DHPS: variants seen among roughly 807,000 people sequenced by gnomAD.
DHPS encodes the protein deoxyhypusine synthase.
A neutral mutation model predicts 38.7 loss-of-function variants in DHPS; 24 were observed. The ratio of observed to expected loss-of-function variants is 0.62; its 90% CI spans 0.45 to 0.87. The LOEUF is 0.87. Among genes scored for constraint, DHPS ranks in the 40% least tolerant of loss-of-function variants. The pLI is 0.00. For synonymous variants in DHPS, 250 were observed against 204.4 expected (o/e 1.22, Z -1.90); for missense variants, 510 against 497.6 (o/e 1.02, Z -0.24).
rs1350189611 is a variant in DHPS at position 12,675,934 on chromosome 19, C to CTGG, written c.1015-4_1015-2dup. 3 of 1,605,264 alleles carry CTGG rather than the reference C, an allele frequency of 1.9e-6. No homozygotes were observed. In the South Asian group the frequency reaches 3.3e-5, roughly 18 times the overall value. On this transcript the variant is annotated splice_acceptor_variant, in intron 8 of 8. Transcript: ENST00000210060. LOFTEE classifies it high-confidence loss of function. ...AGACCAGGGAGGCGTCAGCATAGAC[C>CTGG]TGGGTAGGGGGGAACCTGGGTAAGC...
At chr19:12,676,998 C>T (rs763672529) in intron 7 of DHPS, 110 bp downstream of exon 7, 25 of 996,582 alleles carry the variant, frequency 2.5e-5, no homozygotes, top group South Asian at 4.3e-5. Context: ...ACATCAGTCC[C>T]GGGGAGCAGG....
chr19:12,675,978 C>A (rs538535283), intron 8 of DHPS, 39 bp downstream of exon 8: 2 of 1,606,760 alleles, frequency 1.2e-6, no homozygotes, highest in Non-Finnish European at 1.7e-6. Context: ...CCACACTCAT[C>A]GTCCCAGAGA....
chr19:12,679,496 C>A lies in DHPS; in HGVS notation c.639G>T (p.Glu213Asp). The A allele has an allele frequency of 6.2e-7, 1 of 1,614,150 alleles. No individual in the cohort carries two copies. Among genetic ancestry groups the A allele is most frequent in the South Asian group, 1.1e-5 (1 of 91,086 alleles). The change falls in exon 5 of 9, where the codon GAG becomes GAT. Residue 213 changes from glutamate to aspartate, a missense_variant. Physicochemically the swap from Glu to Asp is conservative, Grantham distance 45. Transcript: ENST00000210060. ...PSKMIARLGK[E>D]INNPESVYYW... Reference sequence around the variant, plus strand: ...AATACACGGACTCTGGGTTGTTGATCTCCTTGCCCAGCCGGGCGATCATCT... The same window carrying A: ...AATACACGGACTCTGGGTTGTTGATATCCTTGCCCAGCCGGGCGATCATCT...
chr19:12,679,341 T>A, intron 5 of DHPS, 116 bp downstream of exon 5: 1 of 1,003,632 alleles, frequency 1.0e-6, no homozygotes, highest in Non-Finnish European at 1.5e-6. Context: ...TTGAGTCTCC[T>A]CATCTAAGAG....
chr19:12,681,768 C>A lies in DHPS; in HGVS notation c.-2G>T. 2 of 1,605,596 alleles carry A rather than the reference C, an allele frequency of 1.2e-6. No individual in the cohort carries two copies. The highest frequency in any genetic ancestry group is 1.7e-6 in the Non-Finnish European group (2 of 1,179,184). ...CTCCCGTTCCAGGGAACCTTCCATG[C>A]GCCTATAGCCGGCTCTCGAGTCAAA... is the stretch of plus-strand genomic sequence containing the variant. On this transcript the variant is annotated 5_prime_UTR_variant, in exon 1 of 9. Transcript: ENST00000210060.
Position 12,676,146 on chromosome 19 carries a change from TG to T in DHPS, c.889-5del. On this transcript the variant is annotated splice_region_variant and splice_polypyrimidine_tract_variant and intron_variant, in intron 7 of 8. Transcript: ENST00000210060. ...CAGCGTAGTCGGCCCCGTTCCGCTG[TG>T]GGGAGGCGGGGGCACGGTGGGCCCA... is the stretch of plus-strand genomic sequence containing the variant. 6.2e-7 allele frequency: 1 copy of T among 1,605,196 alleles called. No individual in the cohort carries two copies.
chr19:12,678,768 C>CAAAAAAAAAAA (rs1183531365), intron 5 of DHPS, among the ~76,000 whole-genome samples: 1 of 46,340 alleles, frequency 2.2e-5, no homozygotes, highest in African/African-American at 9.2e-5. Context: ...GACTCTGTCT[C>CAAAAAAAAAAA]AAAAAAAAAA....
Position 12,677,355 on chromosome 19 carries a change from C to T in DHPS, c.720G>A (p.Ser240=), listed in dbSNP as rs143117686. The stretch of plus-strand genomic sequence containing the variant: ...AATGGAAGAAGATCATGTCGCCCAG[C>T]GAGCCGTCTGTAAGTGCGGGACTAA... ...PVFSPALTDG[S]LGDMIFFHSY... The change falls in exon 6 of 9, where the codon TCG becomes TCA. Residue 240 remains serine, a synonymous_variant. Transcript: ENST00000210060. The T allele has an allele frequency of 1.5e-5, 24 of 1,614,016 alleles. No homozygotes were observed. Among genetic ancestry groups the T allele is most frequent in the Admixed American group, 5.0e-5 (3 of 59,994 alleles).
chr19:12,677,453 C>G lies in DHPS; in HGVS notation c.679-57G>C, dbSNP rs988829468. 3 of 1,436,472 alleles carry G rather than the reference C, an allele frequency of 2.1e-6. No homozygotes were observed. In the African/African-American group the frequency reaches 4.2e-5, roughly 20 times the overall value. 89.0% of individuals were successfully genotyped at this position (1,436,472 alleles called of 1,614,324 possible). On this transcript the variant is annotated intron_variant, in intron 5 of 8. Coordinates refer to ENST00000210060, the MANE Select transcript of DHPS (RefSeq NM_001930.4). ...GCTCAGAGCCTCGTCTCCATGCTGG[C>G]TATATGACTATCTGACTGTGGATGG...
At chr19:12,673,421 T>A, downstream of DHPS, 1 of 785,454 alleles carries the variant, frequency 1.3e-6, no homozygotes, top group African/African-American at 1.8e-5. Flanking sequence ...TTTTTTTTTT[T>A]TTTTTTTTTT....
Position 12,675,821 on chromosome 19 carries a change from C to T in DHPS, c.*17G>A, listed in dbSNP as rs770680361. On this transcript the variant is annotated 3_prime_UTR_variant, in exon 9 of 9. Transcript: ENST00000210060. ...TAAATAGAAGAGGGGGTAAGACCTT[C>T]CTGGGACCGCAGCCGCTCAGTCCTC... 10 of 1,578,282 alleles carry T rather than the reference C, an allele frequency of 6.3e-6. No homozygotes were observed. In the Admixed American group the frequency reaches 7.3e-5, roughly 11 times the overall value.
chr19:12,672,862 C>A (rs769978666), downstream of DHPS: 2 of 1,587,950 alleles, frequency 1.3e-6, no homozygotes, highest in African/African-American at 2.7e-5. Context: ...TGGATGGCCG[C>A]GTGAGACGCT....
downstream of DHPS, chr19:12,673,137 G>T (rs368361960): frequency 1.9e-5 from 31 of 1,611,742 alleles, no homozygotes; most frequent in Middle Eastern, 4.9e-4. Flanking sequence ...GTGGTCGTGG[G>T]GATCCCCTTC....
At chr19:12,674,705 G>A (rs555727828), downstream of DHPS, among the ~76,000 whole-genome samples, 20 of 152,160 alleles carry the variant, frequency 1.3e-4, 1 homozygote, top group Non-Finnish European at 2.9e-5. Flanking sequence ...CAGGGAACAG[G>A]CAAGCTGTGA....
At chr19:12,673,142 C>T, downstream of DHPS, 3 of 1,611,562 alleles carry the variant, frequency 1.9e-6, no homozygotes, top group South Asian at 2.2e-5. Flanking sequence ...CGTGGGGATC[C>T]CCTTCCCTCC....
At chr19:12,679,950 C>T (rs781538910) in intron 2 of DHPS, 28 bp from the exon 3 acceptor site, 2 of 1,601,306 alleles carry the variant, frequency 1.2e-6, no homozygotes, top group South Asian at 1.1e-5. Flanking sequence ...TGAATTTGGC[C>T]CAAGAAGGAA....
At chr19:12,678,209 G>T (rs1197708227) in intron 5 of DHPS, among the ~76,000 whole-genome samples, 1 of 150,752 alleles carries the variant, frequency 6.6e-6, no homozygotes, top group African/African-American at 2.4e-5. Flanking sequence ...TGTGAGCCAA[G>T]ATTGCGCCAT....
chr19:12,673,136 G>A (rs1442064495), downstream of DHPS: 7 of 1,611,782 alleles, frequency 4.3e-6, no homozygotes, highest in Non-Finnish European at 5.9e-6. Context: ...TGTGGTCGTG[G>A]GGATCCCCTT....
In DHPS at chr19:12,681,549, C is replaced by T. The variant is rs745456711; in HGVS notation, c.207+11G>A. The T allele has an allele frequency of 3.2e-5, 52 of 1,614,076 alleles. No homozygotes were observed. The African/African-American group carries it at 4.8e-4, about 15-fold the overall frequency. On this transcript the variant is annotated intron_variant, in intron 1 of 8. Transcript: ENST00000210060. The stretch of plus-strand genomic sequence containing the variant: ...CCCTCCGCGTCCCTAGAAATTCCGC[C>T]CGGTCCTCACCATGGCATTGACTTG...
Sources: allele counts gnomAD v4.1 joint callset (sites outside exome capture counted in the v4.1 genomes callset), GRCh38; gene constraint gnomAD v4.1.1; transcripts MANE v1.5; gene names NCBI Gene and HGNC (gene_info 2026-07-23, HGNC 2026-07-21).